The following MYO15B variants were observed in gnomAD, a reference collection of about 807,000 sequenced individuals.
MYO15B encodes the protein myosin XVB pseudogene.
MYO15B carries 207 observed loss-of-function variants against 119.3 expected under a neutral mutation model. That is an observed-to-expected ratio of 1.73 (90% CI 1.55 to 1.95). The LOEUF is 1.95. Ranked by LOEUF, MYO15B falls within the 30% of genes most tolerant of loss-of-function variation. The probability of loss-of-function intolerance (pLI) is 0.00; values close to 1 mark genes in which losing one functional copy is unlikely to be tolerated. For missense variants in MYO15B, 2,264 were observed against 1,203.1 expected (o/e 1.88, Z -13.04); for synonymous variants, 966 against 498.9 (o/e 1.94, Z -12.48).
exon 42 of MYO15B, chr17:75,617,896 C>G (rs2058476094): frequency 1.4e-6 from 1 of 702,794 alleles, no homozygotes; most frequent in Admixed American, 2.0e-5. Flanking sequence ...CACCGGCACG[C>G]CCTGGAAGTT....
exon 10 of MYO15B, chr17:75,594,569 C>T: frequency 3.0e-6 from 2 of 656,102 alleles, no homozygotes; most frequent in Non-Finnish European, 5.5e-6. Flanking sequence ...CTGGAGGGGG[C>T]TGTCACCAGG....
Position 75,610,692 on chromosome 17 carries a change from C to A in MYO15B, c.4387-208C>A. The A allele has an allele frequency of 5.2e-6, 3 of 577,020 alleles. No individual in the cohort carries two copies. The South Asian group carries it at 6.5e-5, about 13-fold the overall frequency. The allele number at this position is 577,020 out of a possible 1,614,324, so 35.7% of individuals were successfully genotyped here. ...CCTTCTTCCTGCCCTCTTCCCGGTGCCCTGGCAGATGGGCACAGACGCCCA... is the reference window on the plus strand; with the variant it reads ...CCTTCTTCCTGCCCTCTTCCCGGTGACCTGGCAGATGGGCACAGACGCCCA... On this transcript the variant is annotated intron_variant, in intron 22 of 63. Transcript: ENST00000645453.
At chr17:75,623,659 T>TA in intron 53 of MYO15B, 122 bp from the exon 54 acceptor site, 1 of 648,870 alleles carries the variant, frequency 1.5e-6, no homozygotes, top group Non-Finnish European at 2.8e-6. Context: ...AGTGATGTCT[T>TA]AAGCTGAGAG....
At chr17:75,616,233 C>G in intron 37 of MYO15B, 79 bp from the exon 38 acceptor site, 1 of 589,378 alleles carries the variant, frequency 1.7e-6, no homozygotes, top group Non-Finnish European at 3.0e-6. Flanking sequence ...GTGCTCTGCT[C>G]CCCGGAGTTG....
At chr17:75,591,793 G>T in intron 5 of MYO15B, 81 bp downstream of exon 5, 1 of 697,848 alleles carries the variant, frequency 1.4e-6, no homozygotes, top group East Asian at 2.7e-5. Flanking sequence ...ATGTCCAAGG[G>T]ACTATCTTTC....
rs77298664 is a variant in MYO15B, at chr17:75,621,482, C to T, written c.7936-19C>T. ...CCCCACGGCCCCCCAGACCCATGGC[C>T]TCCTCTCTTTGGCCACAGGCTCCCA... is the stretch of plus-strand genomic sequence containing the variant. On this transcript the variant is annotated intron_variant, in intron 51 of 63. Transcript: ENST00000645453. 2,664 of 701,324 alleles carry T rather than the reference C, an allele frequency of 3.8e-3. 49 individuals carry two copies. The African/African-American group carries it at 0.041, about 11-fold the overall frequency. The allele number at this position is 701,324 out of a possible 1,614,324, so 43.4% of individuals were successfully genotyped here.
exon 53 of MYO15B, chr17:75,622,056 G>T (rs2058741295): frequency 4.3e-6 from 3 of 703,034 alleles, no homozygotes; most frequent in Non-Finnish European, 7.8e-6. Flanking sequence ...AGGATGAGAT[G>T]GATCTGCTCT....
chr17:75,615,938 G>A (rs529864437), intron 36 of MYO15B, 54 bp downstream of exon 36: 2 of 619,106 alleles, frequency 3.2e-6, no homozygotes, highest in Non-Finnish European at 5.8e-6. Flanking sequence ...GACTGCAGGG[G>A]CAGGGGACAT....
chr17:75,605,735 CAG>C, intron 20 of MYO15B, 114 bp downstream of exon 20: 1 of 666,838 alleles, frequency 1.5e-6, no homozygotes, highest in Non-Finnish European at 2.8e-6. Context: ...TGGTGGGAGA[CAG>C]AAGGGCTGGA....
chr17:75,603,113 C>G (rs551251209), intron 18 of MYO15B, 36 bp downstream of exon 18: 24 of 703,036 alleles, frequency 3.4e-5, no homozygotes, highest in East Asian at 8.0e-5. Flanking sequence ...GGGCCCTCCC[C>G]CTCCCTGCAC....
chr17:75,610,229 G>A (rs11657863), exon 22 of MYO15B: 133,045 of 700,680 alleles, frequency 0.19, 12,993 homozygotes, highest in Non-Finnish European at 0.19. Flanking sequence ...TGGTGGCCCA[G>A]CCCCTGCTCC....
rs1174026998 is a variant in MYO15B at position 75,588,022 on chromosome 17, C to A, written c.-36C>A. On this transcript the variant is annotated 5_prime_UTR_variant, in exon 1 of 64. In the 5' UTR this introduces an upstream ATG that the reference lacks. Coordinates refer to ENST00000645453, the Ensembl canonical transcript of MYO15B. ...CAAATCCCCGGGGAGGGGAAAGGACCTGGGCGTCGGGAAGCCCGTCTCCTT... is the reference window on the plus strand; with the variant it reads ...CAAATCCCCGGGGAGGGGAAAGGACATGGGCGTCGGGAAGCCCGTCTCCTT... 1.5e-5 allele frequency: 6 copies of A among 398,318 alleles called. No individual in the cohort carries two copies. Among genetic ancestry groups the A allele is most frequent in the Non-Finnish European group, 2.7e-5 (6 of 225,932 alleles). The allele number at this position is 398,318 out of a possible 1,614,324, so 24.7% of individuals were successfully genotyped here.
At chr17:75,611,544 G>T (rs1183450186) in intron 23 of MYO15B, 57 bp from the exon 24 acceptor site, 2 of 699,566 alleles carry the variant, frequency 2.9e-6, no homozygotes, top group East Asian at 5.4e-5. Context: ...TGTGGGGAGG[G>T]ACACTGGTCC....
chr17:75,622,841 C>A (rs749483), intron 53 of MYO15B, among the ~76,000 whole-genome samples: 3,665 of 152,132 alleles, frequency 0.024, 129 homozygotes, highest in African/African-American at 0.078. Flanking sequence ...GTTTTGGACA[C>A]GTGAGGTCTG....
Position 75,615,887 on chromosome 17 carries a change from G to A in MYO15B, c.6030+3G>A, listed in dbSNP as rs2058341974. On this transcript the variant is annotated splice_donor_region_variant and intron_variant, in intron 36 of 63. Transcript: ENST00000645453. ...GATCAGAGGGTGGCTGCCTGAGGGT[G>A]AGGAGGTGACCATATTCTCAGGAAG... 1.5e-6 allele frequency: 1 copy of A among 673,920 alleles called. No individual in the cohort carries two copies. The highest frequency in any genetic ancestry group is 2.7e-6 in the Non-Finnish European group (1 of 370,436). 41.7% of individuals were successfully genotyped at this position (673,920 alleles called of 1,614,324 possible). A position where few individuals can be genotyped will look rare whatever the true frequency, so the allele number is the denominator to read the frequency against.
Position 75,622,087 on chromosome 17 carries a change from C to T in MYO15B, c.8082+7C>T. On this transcript the variant is annotated splice_region_variant and intron_variant, in intron 53 of 63. Coordinates refer to ENST00000645453, the Ensembl canonical transcript of MYO15B. ...GCTCTATGAACTGCTGAAGGTAAGCCTGGGCTGTGCGACCCCCAGCGCCTG... is the reference window on the plus strand; with the variant it reads ...GCTCTATGAACTGCTGAAGGTAAGCTTGGGCTGTGCGACCCCCAGCGCCTG... 2.8e-6 allele frequency: 2 copies of T among 702,960 alleles called. No individual in the cohort carries two copies. Among genetic ancestry groups the T allele is most frequent in the Non-Finnish European group, 5.2e-6 (2 of 384,966 alleles). The allele number at this position is 702,960 out of a possible 1,614,324, so 43.5% of individuals were successfully genotyped here.
rs1460184664 is a variant in MYO15B, at chr17:75,621,026, C to T, written c.7726-5C>T. The T allele has an allele frequency of 4.3e-6, 3 of 702,740 alleles. No individual in the cohort carries two copies. The highest frequency in any genetic ancestry group is 1.5e-5 in the South Asian group (1 of 67,604). 43.5% of individuals were successfully genotyped at this position (702,740 alleles called of 1,614,324 possible). ...CAGGTGGCACCAGGTTTCTTGTGAT[C>T]CCAGCGCCCTGCCCACCCTTGGAGC... is the stretch of plus-strand genomic sequence containing the variant. On this transcript the variant is annotated splice_polypyrimidine_tract_variant and splice_region_variant and intron_variant, in intron 49 of 63. Coordinates refer to ENST00000645453, the Ensembl canonical transcript of MYO15B.
At chr17:75,619,895 G>A (rs1244242911) in exon 47 of MYO15B, 2 of 702,166 alleles carry the variant, frequency 2.8e-6, no homozygotes, top group Admixed American at 2.0e-5. Context: ...GGAGGTGCTG[G>A]GTGTGGAGTG....
At chr17:75,599,942 G>C (rs949299617) in intron 14 of MYO15B, among the ~76,000 whole-genome samples, 1 of 150,170 alleles carries the variant, frequency 6.7e-6, no homozygotes, top group Non-Finnish European at 1.5e-5. Context: ...AAATACAAGC[G>C]CATGTGATTC....
Sources: gnomAD v4.1 joint callset for allele counts (sites outside exome capture counted in the v4.1 genomes callset) on GRCh38, gnomAD v4.1.1 for gene constraint, MANE v1.5 for transcripts, NCBI Gene and HGNC (gene_info 2026-07-23, HGNC 2026-07-21) for gene names.